The following ADAMTS3 variants were observed in gnomAD, a reference collection of about 807,000 sequenced individuals.
ADAMTS3 encodes the protein A disintegrin and metalloproteinase with thrombospondin motifs 3.
Under a neutral mutation model 129.0 loss-of-function variants are expected in ADAMTS3, and 73 were observed. The ratio of observed to expected loss-of-function variants is 0.57; its 90% CI spans 0.47 to 0.69. The LOEUF is 0.69. Among genes scored for constraint, ADAMTS3 ranks in the 30% least tolerant of loss-of-function variants. The probability of loss-of-function intolerance (pLI) is 0.00; values close to 1 mark genes in which losing one functional copy is unlikely to be tolerated. For missense variants in ADAMTS3, 1,457 were observed against 1,514.5 expected (o/e 0.96, Z 0.63); for synonymous variants, 477 against 510.8 (o/e 0.93, Z 0.89).
intron 4 of ADAMTS3, among the ~76,000 whole-genome samples, chr4:72,349,481 T>G (rs955600321): frequency 6.6e-6 from 1 of 152,100 alleles, no homozygotes; most frequent in Non-Finnish European, 1.5e-5. Flanking sequence ...CAATAAGAGA[T>G]AATCTGACCA....
At chr4:72,428,313 C>T (rs566411199) in intron 3 of ADAMTS3, among the ~76,000 whole-genome samples, 71 of 152,098 alleles carry the variant, frequency 4.7e-4, no homozygotes, top group South Asian at 1.5e-3. Flanking sequence ...AGCTACTTTT[C>T]ATAAAGAGTA....
At chr4:72,562,145 G>T (rs1238480059) in intron 2 of ADAMTS3, among the ~76,000 whole-genome samples, 1 of 152,104 alleles carries the variant, frequency 6.6e-6, no homozygotes, top group Non-Finnish European at 1.5e-5. Flanking sequence ...TTGAGAGTTA[G>T]AAAAATTACG....
intron 4 of ADAMTS3, among the ~76,000 whole-genome samples, chr4:72,397,686 C>T (rs1054694646): frequency 6.6e-6 from 1 of 152,096 alleles, no homozygotes; most frequent in Non-Finnish European, 1.5e-5. Context: ...GACTGCCCAT[C>T]TTGTGTAGGG....
At position 72,291,151 on chromosome 4, in the gene ADAMTS3, C is replaced by G; in HGVS notation, c.2724-89G>C. On this transcript the variant is annotated intron_variant, in intron 19 of 21. Transcript: ENST00000286657. ...TGCAAAGCCTAGACTTTTCTGCTCT[C>G]TAAGTGACTTGCAACCTAGTGGGCA... 2.8e-6 allele frequency: 4 copies of G among 1,422,808 alleles called. No individual in the cohort carries two copies. The South Asian group carries it at 5.3e-5, about 19-fold the overall frequency. 88.1% of individuals were successfully genotyped at this position (1,422,808 alleles called of 1,614,324 possible).
intron 4 of ADAMTS3, among the ~76,000 whole-genome samples, chr4:72,411,373 T>A (rs1722180592): frequency 6.6e-6 from 1 of 152,068 alleles, no homozygotes; most frequent in Non-Finnish European, 1.5e-5. Flanking sequence ...AAGCACAATT[T>A]TTGTTTTGCT....
intron 4 of ADAMTS3, among the ~76,000 whole-genome samples, chr4:72,382,363 G>GT (rs1721315818): frequency 2.6e-5 from 4 of 151,694 alleles, no homozygotes; most frequent in African/African-American, 9.7e-5. Flanking sequence ...CTACATAGTA[G>GT]CTCCTCCCAT....
intron 4 of ADAMTS3, among the ~76,000 whole-genome samples, chr4:72,403,069 T>C (rs919719172): frequency 5.3e-5 from 8 of 152,130 alleles, no homozygotes; most frequent in African/African-American, 1.9e-4. Flanking sequence ...AAAGTGTTCT[T>C]TAAGCTTTAG....
rs559878718 is a variant in ADAMTS3 at position 72,330,867 on chromosome 4, T to C, written c.862-7770A>G. On this transcript the variant is annotated intron_variant, in intron 5 of 21. Transcript: ENST00000286657. ...TGTGTCCTTTGTAACAATGGACACA[T>C]AGCAAAAGCCCAGGTAGAACTGTTT... The C allele has an allele frequency of 1.8e-4, 27 of 152,282 alleles. 1 individual carries two copies. The highest frequency in any genetic ancestry group is 1.7e-3 in the East Asian group (9 of 5,176). 9.4% of individuals were successfully genotyped at this position (152,282 alleles called of 1,614,324 possible). A position where few individuals can be genotyped will look rare whatever the true frequency, so the allele number is the denominator to read the frequency against.
At chr4:72,431,417 A>G (rs1722695448) in intron 3 of ADAMTS3, among the ~76,000 whole-genome samples, 1 of 151,964 alleles carries the variant, frequency 6.6e-6, no homozygotes, top group African/African-American at 2.4e-5. Flanking sequence ...CAAAATTTGA[A>G]CTGCTCTAAA....
intron 2 of ADAMTS3, among the ~76,000 whole-genome samples, chr4:72,561,973 G>C (rs905194024): frequency 6.6e-6 from 1 of 152,170 alleles, no homozygotes; most frequent in Admixed American, 6.5e-5. Flanking sequence ...TTATATGTGG[G>C]AACAGAGGTT....
At chr4:72,300,320 C>T (rs945008785) in intron 17 of ADAMTS3, among the ~76,000 whole-genome samples, 1 of 152,050 alleles carries the variant, frequency 6.6e-6, no homozygotes, top group Non-Finnish European at 1.5e-5. Flanking sequence ...CCAGCCCACA[C>T]CACTTGCTGT....
chr4:72,399,534 C>T (rs1401885352), intron 4 of ADAMTS3, among the ~76,000 whole-genome samples: 1 of 151,994 alleles, frequency 6.6e-6, no homozygotes, highest in African/African-American at 2.4e-5. Context: ...GAAGACCTAC[C>T]CTGGGCTAGG....
Position 72,320,702 on chromosome 4 carries a change from T to C in ADAMTS3, c.1102+12A>G, listed in dbSNP as rs765447465. 1.2e-6 allele frequency: 2 copies of C among 1,609,564 alleles called. No individual in the cohort carries two copies. The highest frequency in any genetic ancestry group is 1.7e-6 in the Non-Finnish European group (2 of 1,178,310). On this transcript the variant is annotated intron_variant, in intron 7 of 21. Coordinates refer to ENST00000286657, the MANE Select transcript of ADAMTS3 (RefSeq NM_014243.3). ...GCCCTCAAGTATTTCTTCTACATAT[T>C]GACAGCAATACCTTGCATTCCAGCA... is the stretch of plus-strand genomic sequence containing the variant.
At chr4:72,529,641 A>G (rs1720908961) in intron 3 of ADAMTS3, among the ~76,000 whole-genome samples, 2 of 131,606 alleles carry the variant, frequency 1.5e-5, no homozygotes, top group African/African-American at 5.7e-5. Context: ...TATTATATAT[A>G]ATACATTATA....
chr4:72,437,979 G>A (rs1460360736), intron 3 of ADAMTS3, among the ~76,000 whole-genome samples: 3 of 151,586 alleles, frequency 2.0e-5, no homozygotes, highest in South Asian at 2.1e-4. Context: ...TGTTTCTGTC[G>A]TTTTGAGTTC....
chr4:72,480,004 C>G (rs1719381563), intron 3 of ADAMTS3, among the ~76,000 whole-genome samples: 1 of 152,116 alleles, frequency 6.6e-6, no homozygotes, highest in Admixed American at 6.6e-5. Context: ...GATACCATCT[C>G]ACACCAGTTA....
chr4:72,417,277 C>T (rs1439694850), intron 3 of ADAMTS3, among the ~76,000 whole-genome samples: 1 of 152,174 alleles, frequency 6.6e-6, no homozygotes, highest in Non-Finnish European at 1.5e-5. Flanking sequence ...AGAAACAGTG[C>T]CACTGAAGCG....
At chr4:72,299,802 A>C (rs2109783434) in intron 17 of ADAMTS3, among the ~76,000 whole-genome samples, 1 of 152,248 alleles carries the variant, frequency 6.6e-6, no homozygotes, top group Middle Eastern at 3.4e-3. Flanking sequence ...TTTTTATTGG[A>C]ACTGTACACA....
At chr4:72,546,817 T>C (rs747883317) in intron 3 of ADAMTS3, among the ~76,000 whole-genome samples, 3 of 152,108 alleles carry the variant, frequency 2.0e-5, no homozygotes, top group Non-Finnish European at 4.4e-5. Context: ...CTATTTCATC[T>C]GGGATTCTCA....
Sources: allele counts gnomAD v4.1 joint callset (sites outside exome capture counted in the v4.1 genomes callset), GRCh38; gene constraint gnomAD v4.1.1; transcripts MANE v1.5; gene names NCBI Gene and HGNC (gene_info 2026-07-23, HGNC 2026-07-21).